Variants in SGIP1 observed in about 807,000 individuals in gnomAD.
SGIP1 encodes the protein SH3-containing GRB2-like protein 3-interacting protein 1.
In SGIP1, 38 loss-of-function variants were observed where a neutral mutation model predicts 107.5. The ratio of observed to expected loss-of-function variants is 0.35; its 90% CI spans 0.27 to 0.46. SGIP1 has a LOEUF of 0.46. Ranked by LOEUF, SGIP1 falls within the 20% of genes least tolerant of loss-of-function variation. The pLI is 1.00. For missense variants in SGIP1, 929 were observed against 1,019.5 expected (o/e 0.91, Z 1.21); for synonymous variants, 365 against 366.1 (o/e 1.00, Z 0.03).
rs149841974 is a variant in SGIP1 at position 66,727,198 on chromosome 1, G to A, written c.1743-2066G>A. Among the ~76,000 whole-genome samples, 550 of 152,284 alleles carry A rather than the reference G, an allele frequency of 3.6e-3. 5 individuals are homozygous for A. Among genetic ancestry groups the A allele is most frequent in the African/African-American group, 0.012 (508 of 41,566 alleles). ...ATCTGATAAATGACATTCCCAGAAT[G>A]TATAAAGAAACCTTGACATTCAATA... On this transcript the variant is annotated intron_variant, in intron 19 of 24. Coordinates refer to ENST00000371037, the MANE Select transcript of SGIP1 (RefSeq NM_032291.4).
intron 5 of SGIP1, among the ~76,000 whole-genome samples, 158 bp downstream of exon 5, chr1:66,639,991 G>A (rs561828429): frequency 6.6e-6 from 1 of 152,324 alleles, no homozygotes; most frequent in South Asian, 2.1e-4. Context: ...AATAGAGTCT[G>A]TCAGAACTGG....
At chr1:66,564,803 C>A (rs893530397) in intron 1 of SGIP1, among the ~76,000 whole-genome samples, 3 of 151,924 alleles carry the variant, frequency 2.0e-5, no homozygotes, top group Non-Finnish European at 4.4e-5. Context: ...TCAGTCCCCT[C>A]CTTCCCAAGG....
At chr1:66,637,440 CGTGTGTGTGTGTGTTTGTGTGT>C (rs200544902) in intron 4 of SGIP1, among the ~76,000 whole-genome samples, 19,407 of 112,340 alleles carry the variant, frequency 0.17, 1,880 homozygotes, top group East Asian at 0.56. Flanking sequence ...CTAATAAAGC[CGTGTGTGTGTGTGTTTGTGTGT>C]GTGTGTGTGT....
At chr1:66,677,216 TAAG>T (rs1054840671) in intron 13 of SGIP1, 120 bp downstream of exon 13, 4 of 718,532 alleles carry the variant, frequency 5.6e-6, no homozygotes, top group African/African-American at 5.3e-5. Flanking sequence ...TGAATAATAT[TAAG>T]AAGAGATGTT....
At chr1:66,603,660 G>T (rs532115239) in intron 1 of SGIP1, among the ~76,000 whole-genome samples, 1 of 152,098 alleles carries the variant, frequency 6.6e-6, no homozygotes, top group African/African-American at 2.4e-5. Context: ...AGGGTAGAAA[G>T]CCTAATTTTT....
chr1:66,703,587 T>TATATG (rs1268647847), intron 18 of SGIP1, among the ~76,000 whole-genome samples: 1 of 151,504 alleles, frequency 6.6e-6, no homozygotes, highest in African/African-American at 2.4e-5. Flanking sequence ...ATATATCATA[T>TATATG]ATATGATATG....
At chr1:66,742,339 G>T (rs1200859801) in intron 24 of SGIP1, among the ~76,000 whole-genome samples, 1 of 151,538 alleles carries the variant, frequency 6.6e-6, no homozygotes, top group African/African-American at 2.4e-5. Flanking sequence ...ATACTTTTCA[G>T]TGATTTGCTG....
intron 15 of SGIP1, 92 bp downstream of exon 15, chr1:66,682,461 C>G: frequency 6.8e-7 from 1 of 1,465,142 alleles, no homozygotes; most frequent in Non-Finnish European, 9.2e-7. Flanking sequence ...TGGCAGCTGG[C>G]TTCAGAGCTT....
intron 2 of SGIP1, chr1:66,626,137 CTTTTTTT>C (rs35959436): frequency 0.018 from 2,235 of 123,288 alleles, 23 homozygotes; most frequent in African/African-American, 0.054. Context: ...TTCTTTCTTT[CTTTTTTT>C]TTTTTTTTTT....
rs766560453 is a variant in SGIP1, at chr1:66,689,222, C to T, written c.1390C>T (p.Arg464Trp). 31 of 1,613,740 alleles carry T rather than the reference C, an allele frequency of 1.9e-5. No homozygotes were observed. Among genetic ancestry groups the T allele is most frequent in the East Asian group, 2.2e-5 (1 of 44,862 alleles). Reference sequence around the variant, plus strand: ...TACCACTCCACCTCCACCTCCTCCCCGGCCTCCATCCCGGCCAAAGCTACC... The same window carrying T: ...TACCACTCCACCTCCACCTCCTCCCTGGCCTCCATCCCGGCCAAAGCTACC... ...RSTTPPPPPPRPPSRPKLPPG... is the reference protein window; with the variant it reads ...RSTTPPPPPPWPPSRPKLPPG... The change falls in exon 16 of 25, where the codon CGG (arginine) becomes TGG (tryptophan). Residue 464 changes from arginine to tryptophan, a missense_variant. By Grantham distance (101) the Arg-to-Trp change is moderately radical. This residue lies in a region of SGIP1 where 588 missense variants were observed against 588.6 expected (regional missense o/e 1.00). Transcript: ENST00000371037.
At chr1:66,578,276 T>C (rs1397638855) in intron 1 of SGIP1, among the ~76,000 whole-genome samples, 1 of 152,008 alleles carries the variant, frequency 6.6e-6, no homozygotes, top group Non-Finnish European at 1.5e-5. Flanking sequence ...ACTGGAAATT[T>C]GTAACTTTAA....
chr1:66,614,792 G>A (rs2068809620), intron 1 of SGIP1, among the ~76,000 whole-genome samples: 1 of 149,434 alleles, frequency 6.7e-6, no homozygotes, highest in Admixed American at 6.7e-5. Context: ...TTCTAATAGG[G>A]GCTATGTTCC....
intron 1 of SGIP1, among the ~76,000 whole-genome samples, chr1:66,584,735 T>C (rs907045002): frequency 6.6e-6 from 1 of 152,158 alleles, no homozygotes; most frequent in African/African-American, 2.4e-5. Context: ...AGCTTTAAGA[T>C]AGTGGTAGGT....
At chr1:66,638,353 G>A (rs1382558183) in intron 4 of SGIP1, among the ~76,000 whole-genome samples, 1 of 152,146 alleles carries the variant, frequency 6.6e-6, no homozygotes. Flanking sequence ...CGTATGACAG[G>A]TTTTACAAAG....
At chr1:66,677,786 C>G (rs1571690661) in intron 13 of SGIP1, among the ~76,000 whole-genome samples, 1 of 152,312 alleles carries the variant, frequency 6.6e-6, no homozygotes, top group South Asian at 2.1e-4. Context: ...AGTAGACTGC[C>G]TCTGAAGCAT....
chr1:66,574,802 G>A (rs1295053135), intron 1 of SGIP1, among the ~76,000 whole-genome samples: 2 of 152,082 alleles, frequency 1.3e-5, no homozygotes, highest in African/African-American at 2.4e-5. Context: ...GCATGTGTGT[G>A]CACGCACGCA....
Position 66,643,715 on chromosome 1 carries a change from C to T in SGIP1, c.455C>T (p.Pro152Leu). 2 of 1,605,906 alleles carry T rather than the reference C, an allele frequency of 1.2e-6. No individual in the cohort carries two copies. The highest frequency in any genetic ancestry group is 2.2e-5 in the South Asian group (2 of 89,622). Reference protein sequence around the residue: ...SIGNIALSPSPVRKSPRRSPG... With the variant: ...SIGNIALSPSLVRKSPRRSPG... ...GGCAACATCGCACTTTCCCCATCAC[C>T]AGTGGTGAGTGTTGTGTGTGTGTGT... Residue 152 changes from proline to leucine, a missense_variant, in exon 7 of 25, where the codon CCA becomes CTA. Coordinates refer to ENST00000371037, the MANE Select transcript of SGIP1 (RefSeq NM_032291.4).
chr1:66,640,769 C>T (rs1180761351), intron 5 of SGIP1, among the ~76,000 whole-genome samples: 2 of 107,418 alleles, frequency 1.9e-5, no homozygotes, highest in African/African-American at 8.0e-5. Flanking sequence ...TACCTCAGTA[C>T]ACTTGTATTA....
At chr1:66,695,059 A>G (rs988438400) in intron 17 of SGIP1, 1 of 376,674 alleles carries the variant, frequency 2.7e-6, no homozygotes, top group African/African-American at 2.1e-5. Flanking sequence ...AGGGGATGAC[A>G]TTGAAGATGA....
Sources: allele counts gnomAD v4.1 joint callset (sites outside exome capture counted in the v4.1 genomes callset), GRCh38; gene constraint gnomAD v4.1.1; regional missense constraint gnomAD v4.1.1; transcripts MANE v1.5; gene names NCBI Gene and HGNC (gene_info 2026-07-23, HGNC 2026-07-21).